Variants in QRICH1 observed in about 807,000 individuals in gnomAD.
QRICH1 encodes transcriptional regulator QRICH1.
Under a neutral mutation model 87.1 loss-of-function variants are expected in QRICH1, and 16 were observed. That is an observed-to-expected ratio of 0.18 (90% CI 0.12 to 0.28). The LOEUF is 0.28. Ranked by LOEUF, QRICH1 falls within the 10% of genes least tolerant of loss-of-function variation. The probability of loss-of-function intolerance (pLI) is 1.00; values close to 1 mark genes in which losing one functional copy is unlikely to be tolerated. For synonymous variants in QRICH1, 367 were observed against 368.4 expected, an observed-to-expected ratio of 1.00 and a Z score of 0.05; for missense variants, 647 against 951.7, an observed-to-expected ratio of 0.68 and a Z score of 4.21.
At chr3:49,068,820 G>A (rs2093483433) in intron 2 of QRICH1, among the ~76,000 whole-genome samples, 1 of 151,636 alleles carries the variant, frequency 6.6e-6, no homozygotes, top group Admixed American at 6.6e-5. Flanking sequence ...GGTAGAGATG[G>A]GAGTTTTGCC....
At chr3:49,076,440 C>T (rs1180214181) in intron 2 of QRICH1, among the ~76,000 whole-genome samples, 1 of 151,754 alleles carries the variant, frequency 6.6e-6, no homozygotes, top group Admixed American at 6.6e-5. Flanking sequence ...AGATGACCCG[C>T]TTCTGGGTTG....
At chr3:49,090,575 C>G (rs2042254948) in intron 1 of QRICH1, among the ~76,000 whole-genome samples, 1 of 149,758 alleles carries the variant, frequency 6.7e-6, no homozygotes, top group Non-Finnish European at 1.5e-5. Flanking sequence ...TTGCAGTGAG[C>G]CGAAATCGTG....
chr3:49,073,638 C>T (rs1357760441), intron 2 of QRICH1, among the ~76,000 whole-genome samples: 1 of 151,108 alleles, frequency 6.6e-6, no homozygotes, highest in Non-Finnish European at 1.5e-5. Flanking sequence ...TTTTTTGTGC[C>T]TTACAATTTT....
rs745325843 is a variant in QRICH1, at chr3:49,056,829, G to C, written c.1338+33C>G. ...TGCTGCACTGGGCCCTGAGGGACCA[G>C]GCTGCCTGCCCTACTGATAAGTCTT... On this transcript the variant is annotated intron_variant, in intron 3 of 9. Coordinates refer to ENST00000395443, the MANE Select transcript of QRICH1 (RefSeq NM_198880.3). The C allele has an allele frequency of 9.9e-6, 16 of 1,614,060 alleles. No individual in the cohort carries two copies. The South Asian group carries it at 1.6e-4, about 17-fold the overall frequency.
rs199563032 is a variant in QRICH1 at position 49,047,227 on chromosome 3, G to C, written c.1358C>G (p.Ala453Gly). 9.3e-6 allele frequency: 15 copies of C among 1,614,064 alleles called. No individual in the cohort carries two copies. The highest frequency in any genetic ancestry group is 3.3e-5 in the Admixed American group (2 of 60,000). ...TGGCTGTGACTGTGGTTCAACTTCA[G>C]CAACCTGGACAGTTTGAGCCTATAG... ...VTCSAQTVQV[A>G]EVEPQSQPQP... Residue 453 changes from alanine (A) to glycine (G), a missense_variant, in exon 4 of 10, where the codon GCT becomes GGT. By Grantham distance (60) the Ala-to-Gly change is moderately conservative (BLOSUM62 0). Coordinates refer to ENST00000395443, the MANE Select transcript of QRICH1 (RefSeq NM_198880.3).
At chr3:49,051,086 T>A (rs1345435117) in intron 3 of QRICH1, among the ~76,000 whole-genome samples, 1 of 152,184 alleles carries the variant, frequency 6.6e-6, no homozygotes, top group Non-Finnish European at 1.5e-5. Context: ...TTCTCTGATT[T>A]CCATAGACCT....
At chr3:49,061,782 T>C (rs1305199742) in intron 2 of QRICH1, among the ~76,000 whole-genome samples, 1 of 151,358 alleles carries the variant, frequency 6.6e-6, no homozygotes, top group Non-Finnish European at 1.5e-5. Context: ...ACCCAGGAGG[T>C]GGGGGTTGCA....
intron 2 of QRICH1, among the ~76,000 whole-genome samples, chr3:49,069,107 A>ATTTT (rs57230454): frequency 1.0e-3 from 126 of 123,998 alleles, no homozygotes; most frequent in Middle Eastern, 4.2e-3. Flanking sequence ...TATTATTATT[A>ATTTT]TTTTTTTTTT....
In QRICH1 at chr3:49,032,499, G is replaced by C. The variant is rs925751001; in HGVS notation, c.2047+123C>G. ...TTGGAATTTTTGGCTGGGGAGAAGG[G>C]AGTGGAGAATTTTATCCAGCAAATC... On this transcript the variant is annotated intron_variant, in intron 8 of 9. Coordinates refer to ENST00000395443, the MANE Select transcript of QRICH1 (RefSeq NM_198880.3). 10 of 1,285,802 alleles carry C rather than the reference G, an allele frequency of 7.8e-6. No homozygotes were observed. In the Admixed American group the frequency reaches 9.7e-5, roughly 12 times the overall value. The allele number at this position is 1,285,802 out of a possible 1,614,324, so 79.6% of individuals were successfully genotyped here. A position where few individuals can be genotyped will look rare whatever the true frequency, so the allele number is the denominator to read the frequency against.
Position 49,056,279 on chromosome 3 carries a change from C to T in QRICH1, c.1338+583G>A, listed in dbSNP as rs146952659. 7.2e-3 allele frequency among the ~76,000 whole-genome samples: 1,096 copies of T among 152,232 alleles called. 18 individuals are homozygous for T. Among genetic ancestry groups the T allele is most frequent in the African/African-American group, 0.025 (1,053 of 41,522 alleles). ...GTGCACCACCTCGCCCGGCCGCCCC[C>T]GTAACACAAAAACTCTTGGGAGGTC... On this transcript the variant is annotated intron_variant, in intron 3 of 9. Coordinates refer to ENST00000395443, the MANE Select transcript of QRICH1 (RefSeq NM_198880.3).
chr3:49,031,422 C>T (rs2093238724), intron 9 of QRICH1, among the ~76,000 whole-genome samples: 1 of 152,176 alleles, frequency 6.6e-6, no homozygotes, highest in African/African-American at 2.4e-5. Flanking sequence ...GTTATTCATC[C>T]ATCCATTCAA....
At chr3:49,065,200 A>G (rs980743174) in intron 2 of QRICH1, among the ~76,000 whole-genome samples, 1 of 151,506 alleles carries the variant, frequency 6.6e-6, no homozygotes, top group Non-Finnish European at 1.5e-5. Context: ...CAGTGAGGCA[A>G]TCTTGGCTCA....
At chr3:49,035,013 C>T (rs2093266257) in intron 6 of QRICH1, among the ~76,000 whole-genome samples, 1 of 152,180 alleles carries the variant, frequency 6.6e-6, no homozygotes, top group Non-Finnish European at 1.5e-5. Context: ...AGTGCATTTC[C>T]ATCTCTTTAA....
intron 9 of QRICH1, among the ~76,000 whole-genome samples, chr3:49,031,935 T>C (rs1420621235): frequency 6.6e-6 from 1 of 152,230 alleles, no homozygotes; most frequent in East Asian, 1.9e-4. Context: ...TCTCTGTACC[T>C]TCATACCCTT....
At chr3:49,044,210 G>T (rs1390070871) in intron 6 of QRICH1, among the ~76,000 whole-genome samples, 180 bp downstream of exon 6, 1 of 152,186 alleles carries the variant, frequency 6.6e-6, no homozygotes, top group African/African-American at 2.4e-5. Flanking sequence ...GGAACCAGCA[G>T]GCTTCTCTGG....
chr3:49,084,405 G>A (rs995763588), intron 1 of QRICH1, among the ~76,000 whole-genome samples: 2 of 150,828 alleles, frequency 1.3e-5, no homozygotes, highest in East Asian at 4.1e-4. Context: ...ACGGGCACCC[G>A]CCACCATGCC....
rs536864155 is a variant in QRICH1, at chr3:49,069,343, C to T, written c.309+7366G>A. Among the ~76,000 whole-genome samples, 3 of 151,618 alleles carry T rather than the reference C, an allele frequency of 2.0e-5. No homozygotes were observed. The South Asian group carries it at 6.2e-4, about 31-fold the overall frequency. ...GATCTTGAACTCCTGACCTCGTGATCCACCCGCCTTGTCCTCCCAAAGTGC... is the reference window on the plus strand; with the variant it reads ...GATCTTGAACTCCTGACCTCGTGATTCACCCGCCTTGTCCTCCCAAAGTGC... On this transcript the variant is annotated intron_variant, in intron 2 of 9. Transcript: ENST00000395443.
chr3:49,078,141 A>G (rs1181108774), intron 1 of QRICH1, among the ~76,000 whole-genome samples: 1 of 152,176 alleles, frequency 6.6e-6, no homozygotes, highest in East Asian at 1.9e-4. Flanking sequence ...ACAATTCTGA[A>G]TGTCTGGAAA....
intron 2 of QRICH1, among the ~76,000 whole-genome samples, chr3:49,068,416 C>A (rs1336869920): frequency 6.6e-6 from 1 of 151,156 alleles, no homozygotes; most frequent in Non-Finnish European, 1.5e-5. Flanking sequence ...TCTGATCACA[C>A]CACTGCATTC....
Sources: gnomAD v4.1 joint callset for allele counts (sites outside exome capture counted in the v4.1 genomes callset) on GRCh38, gnomAD v4.1.1 for gene constraint, MANE v1.5 for transcripts, NCBI Gene and HGNC (gene_info 2026-07-23, HGNC 2026-07-21) for gene names.